The following WDR70 variants were observed in gnomAD, a reference collection of about 807,000 sequenced individuals.
WDR70 encodes the protein WD repeat-containing protein 70.
A neutral mutation model predicts 88.6 loss-of-function variants in WDR70; 53 were observed. The ratio of observed to expected loss-of-function variants is 0.60; its 90% CI spans 0.48 to 0.75. The LOEUF (loss-of-function observed/expected upper bound fraction) is 0.75. WDR70 is among the 30% of genes least tolerant of loss of function. The probability of loss-of-function intolerance (pLI) is 0.00; values close to 1 mark genes in which losing one functional copy is unlikely to be tolerated. For missense variants in WDR70, 610 were observed against 823.2 expected (o/e 0.74, Z 3.17); for synonymous variants, 280 against 270.0 (o/e 1.04, Z -0.36).
chr5:37,654,700 A>G (rs1450825984), intron 10 of WDR70, among the ~76,000 whole-genome samples: 2 of 152,236 alleles, frequency 1.3e-5, no homozygotes, highest in Admixed American at 6.5e-5. Flanking sequence ...ACCATTATGT[A>G]ATGGCCTTCT....
chr5:37,503,543 G>A (rs1740466739), intron 8 of WDR70, among the ~76,000 whole-genome samples: 1 of 152,126 alleles, frequency 6.6e-6, no homozygotes, highest in African/African-American at 2.4e-5. Flanking sequence ...TTCTGTGTTA[G>A]TTTTCTAAGG....
At chr5:37,424,013 G>A (rs187923330) in intron 5 of WDR70, among the ~76,000 whole-genome samples, 41 of 150,010 alleles carry the variant, frequency 2.7e-4, no homozygotes, top group African/African-American at 9.7e-4. Context: ...GCTGGGCAAG[G>A]TGGTGCATGC....
chr5:37,434,731 C>A (rs1047980638), intron 5 of WDR70, among the ~76,000 whole-genome samples: 1 of 152,064 alleles, frequency 6.6e-6, no homozygotes, highest in African/African-American at 2.4e-5. Flanking sequence ...GGAAATAATC[C>A]TTTGGTTGGT....
chr5:37,667,713 GGTC>G (rs1554010097), intron 10 of WDR70, among the ~76,000 whole-genome samples: 2 of 151,864 alleles, frequency 1.3e-5, no homozygotes, highest in Non-Finnish European at 2.9e-5. Context: ...GAGTCTGTAT[GGTC>G]CTCAAAGCCT....
intron 5 of WDR70, among the ~76,000 whole-genome samples, chr5:37,428,903 C>G (rs763551560): frequency 2.3e-4 from 35 of 152,210 alleles, no homozygotes; most frequent in Admixed American, 8.5e-4. Flanking sequence ...ATATCCTTGC[C>G]TACACTTGGT....
At chr5:37,689,453 T>TA (rs1746718074) in intron 10 of WDR70, among the ~76,000 whole-genome samples, 2 of 152,062 alleles carry the variant, frequency 1.3e-5, no homozygotes. Context: ...AGACACCTCA[T>TA]ATAGGTGGGT....
At chr5:37,451,343 G>A (rs1738671474) in intron 7 of WDR70, among the ~76,000 whole-genome samples, 1 of 152,116 alleles carries the variant, frequency 6.6e-6, no homozygotes, top group Non-Finnish European at 1.5e-5. Flanking sequence ...TAGTTTAAGA[G>A]TGCTGTCCAA....
At chr5:37,637,473 C>T (rs775497685) in intron 10 of WDR70, among the ~76,000 whole-genome samples, 4 of 152,072 alleles carry the variant, frequency 2.6e-5, no homozygotes, top group Non-Finnish European at 5.9e-5. Flanking sequence ...CTTAAGCCCT[C>T]ATCTCACACA....
chr5:37,635,294 A>G (rs991224696), intron 10 of WDR70, among the ~76,000 whole-genome samples: 1 of 152,174 alleles, frequency 6.6e-6, no homozygotes, highest in African/African-American at 2.4e-5. Flanking sequence ...GATAAGGGTT[A>G]GGAGAGGATC....
chr5:37,484,763 T>C (rs1000231187), intron 8 of WDR70, among the ~76,000 whole-genome samples: 4 of 152,242 alleles, frequency 2.6e-5, no homozygotes, highest in African/African-American at 9.6e-5. Flanking sequence ...TTGGTGAGGC[T>C]GCAAGCTGCA....
chr5:37,679,927 C>T (rs1393730773), intron 10 of WDR70, among the ~76,000 whole-genome samples: 1 of 152,256 alleles, frequency 6.6e-6, no homozygotes, highest in African/African-American at 2.4e-5. Flanking sequence ...CCTAAGCAAG[C>T]CTGGGCAATG....
At chr5:37,548,861 G>A (rs1198684422) in intron 9 of WDR70, among the ~76,000 whole-genome samples, 1 of 152,136 alleles carries the variant, frequency 6.6e-6, no homozygotes, top group Non-Finnish European at 1.5e-5. Flanking sequence ...TTCTGCATAT[G>A]GATATCCAGT....
chr5:37,522,455 A>AAT (rs1741125128), intron 9 of WDR70, among the ~76,000 whole-genome samples: 1 of 100,134 alleles, frequency 1.0e-5, no homozygotes, highest in Non-Finnish European at 2.0e-5. Context: ...TGGGTGATGG[A>AAT]GTGAGACTCT....
chr5:37,453,346 T>G (rs1292929462), intron 7 of WDR70, among the ~76,000 whole-genome samples: 1 of 151,844 alleles, frequency 6.6e-6, no homozygotes, highest in African/African-American at 2.4e-5. Flanking sequence ...TAGCATTGTT[T>G]CTATAGATAT....
chr5:37,442,164 A>G (rs554463887), intron 6 of WDR70, among the ~76,000 whole-genome samples: 2 of 150,154 alleles, frequency 1.3e-5, no homozygotes, highest in South Asian at 2.1e-4. Context: ...CAGCCTCTCA[A>G]ATAGCTGGGA....
chr5:37,420,171 TG>T (rs1749900720), intron 5 of WDR70, among the ~76,000 whole-genome samples: 1 of 152,138 alleles, frequency 6.6e-6, no homozygotes, highest in Admixed American at 6.5e-5. Context: ...AAGACCAGCC[TG>T]GGCAACATAG....
intron 5 of WDR70, among the ~76,000 whole-genome samples, chr5:37,412,032 T>A (rs1749541361): frequency 6.6e-6 from 1 of 152,094 alleles, no homozygotes; most frequent in Non-Finnish European, 1.5e-5. Flanking sequence ...ATTATGATTA[T>A]TTTTCTTAGA....
chr5:37,697,776 T>A lies in WDR70; in HGVS notation c.1192+22T>A, dbSNP rs80245915. The A allele has an allele frequency of 1.3e-3, 1,984 of 1,567,688 alleles. 18 individuals carry two copies. In the African/African-American group the frequency reaches 0.022, roughly 18 times the overall value. ...GGAGGTAGGTTAAAAGCTTTCTTTT[T>A]GATGTATTTCTCTATATAAAATAAT... On this transcript the variant is annotated intron_variant, in intron 11 of 17. Coordinates refer to ENST00000265107, the MANE Select transcript of WDR70 (RefSeq NM_018034.4).
chr5:37,437,875 C>T (rs763942678), intron 5 of WDR70, 47 bp from the exon 6 acceptor site: 1 of 1,558,632 alleles, frequency 6.4e-7, no homozygotes, highest in African/African-American at 1.4e-5. Context: ...TAGTTCCCCA[C>T]AAATATGTTA....
Sources: gnomAD v4.1 joint callset for allele counts (sites outside exome capture counted in the v4.1 genomes callset) on GRCh38, gnomAD v4.1.1 for gene constraint, MANE v1.5 for transcripts, NCBI Gene and HGNC (gene_info 2026-07-23, HGNC 2026-07-21) for gene names.